Variants in C16orf96 observed in about 807,000 individuals in gnomAD.
The protein encoded by C16orf96 is uncharacterized protein C16orf96.
A neutral mutation model predicts 103.6 loss-of-function variants in C16orf96; 108 were observed. That is an observed-to-expected ratio of 1.04 (90% CI 0.89 to 1.22). The LOEUF (loss-of-function observed/expected upper bound fraction) is 1.22, where lower values mean the gene tolerates loss of function less well. Among genes scored for constraint, C16orf96 ranks in the 50% most tolerant of loss-of-function variants. The pLI, the probability that C16orf96 is intolerant of heterozygous loss-of-function variation, is 0.00. For synonymous variants in C16orf96, 566 were observed against 593.5 expected, an observed-to-expected ratio of 0.95 and a Z score of 0.67; for missense variants, 1,586 against 1,464.2, an observed-to-expected ratio of 1.08 and a Z score of -1.36.
intron 11 of C16orf96, 102 bp downstream of exon 11, chr16:4,592,469 G>A: frequency 7.6e-7 from 1 of 1,320,972 alleles, no homozygotes; most frequent in Non-Finnish European, 1.1e-6. Flanking sequence ...CACGCTGTGT[G>A]TCTACACATC....
chr16:4,583,491 G>T (rs551985728), intron 7 of C16orf96, among the ~76,000 whole-genome samples: 7 of 152,140 alleles, frequency 4.6e-5, no homozygotes, highest in African/African-American at 1.7e-4. Flanking sequence ...GGGTGACAGA[G>T]TGAGACTCTG....
At chr16:4,557,681 T>C (rs1403787849) in intron 1 of C16orf96, among the ~76,000 whole-genome samples, 2 of 152,136 alleles carry the variant, frequency 1.3e-5, no homozygotes, top group Non-Finnish European at 2.9e-5. Context: ...CACCCCAATT[T>C]TTTTTTGAGA....
rs1336091250 is a variant in C16orf96 at position 4,576,199 on chromosome 16, T to TGCC, written c.1725_1727dup (p.Ala577dup). 4 of 1,550,518 alleles carry TGCC rather than the reference T, an allele frequency of 2.6e-6. No homozygotes were observed. The highest frequency in any genetic ancestry group is 3.5e-6 in the Non-Finnish European group (4 of 1,146,972). On this transcript the variant is annotated inframe_insertion, in exon 5 of 16. Coordinates refer to ENST00000444310, the MANE Select transcript of C16orf96 (RefSeq NM_001145011.2). Reference sequence around the variant, plus strand: ...AAACCACCGCTGCCATCGCCGCCGCTGCCGCCGCAGCCTACGCCGCTGCCA... The same window carrying TGCC: ...AAACCACCGCTGCCATCGCCGCCGCTGCCGCCGCCGCAGCCTACGCCGCTGCCA...
the C16orf96 span, among the ~76,000 whole-genome samples, chr16:4,545,911 G>A: frequency 9.9e-5 from 15 of 151,934 alleles, no homozygotes; most frequent in South Asian, 4.2e-4. Context: ...GTGCAATGGC[G>A]CGATCTCAGC....
In C16orf96 at chr16:4,576,496, G is replaced by A. The variant is rs1326485414; in HGVS notation, c.2016G>A (p.Gln672=). 6.4e-7 allele frequency: 1 copy of A among 1,551,508 alleles called. No individual in the cohort carries two copies. Among genetic ancestry groups the A allele is most frequent in the South Asian group, 1.2e-5 (1 of 84,068 alleles). Residue 672 remains glutamine, a synonymous_variant, in exon 5 of 16, where the codon CAG becomes CAA. Coordinates refer to ENST00000444310, the MANE Select transcript of C16orf96 (RefSeq NM_001145011.2). The part of the protein sequence containing the change: ...ALSQAMVATK[Q]AMSPEDKKRA... ...CCCAGGCCATGGTGGCTACCAAGCA[G>A]GCCATGAGCCCTGAAGACAAGAAGA...
At chr16:4,555,466 C>T (rs568672032), upstream of C16orf96, among the ~76,000 whole-genome samples, 2 of 151,226 alleles carry the variant, frequency 1.3e-5, no homozygotes, top group African/African-American at 2.4e-5. Flanking sequence ...CTCCACCTCC[C>T]GGATTTAAGC....
intron 2 of C16orf96, 122 bp downstream of exon 2, chr16:4,571,787 C>A: frequency 1.3e-6 from 1 of 784,358 alleles, no homozygotes; most frequent in Non-Finnish European, 2.0e-6. Context: ...AGGGTGTGGT[C>A]ATGTGGACCC....
At chr16:4,549,714 C>G in the C16orf96 span, among the ~76,000 whole-genome samples, 1 of 152,064 alleles carries the variant, frequency 6.6e-6, no homozygotes, top group African/African-American at 2.4e-5. Context: ...AGGAGAATCG[C>G]TTGAATCTGG....
the C16orf96 span, among the ~76,000 whole-genome samples, chr16:4,542,163 G>A: frequency 6.6e-6 from 1 of 152,154 alleles, no homozygotes; most frequent in Non-Finnish European, 1.5e-5. Context: ...AGACTAGCCT[G>A]AGCAACATAG....
At chr16:4,551,687 C>T (rs959170297), upstream of C16orf96, among the ~76,000 whole-genome samples, 39 of 152,082 alleles carry the variant, frequency 2.6e-4, no homozygotes, top group Admixed American at 1.9e-3. Context: ...CTCCTGACCT[C>T]GTGATCTGCC....
chr16:4,599,351 C>G lies in C16orf96; in HGVS notation c.3195C>G (p.Gly1065=). Residue 1065 remains glycine (G), a synonymous_variant, in exon 15 of 16, where the codon GGC becomes GGG. Coordinates refer to ENST00000444310, the MANE Select transcript of C16orf96 (RefSeq NM_001145011.2). ...YDRVHSSALF[G]AICPPLCPRS... is the part of the protein sequence containing the mutation. The stretch of plus-strand genomic sequence containing the variant: ...GTGTGCACTCCAGTGCCCTATTTGG[C>G]GCCATCTGCCCCCGTGAGTACCTGG... 1 of 1,551,582 alleles carries G rather than the reference C, an allele frequency of 6.4e-7. No homozygotes were observed.
In C16orf96 at chr16:4,556,480, C is replaced by T. The variant is rs375260623; in HGVS notation, c.-10C>T. On this transcript the variant is annotated 5_prime_UTR_variant, in exon 1 of 16. Coordinates refer to ENST00000444310, the MANE Select transcript of C16orf96 (RefSeq NM_001145011.2). Reference sequence around the variant, plus strand: ...CTGGAACCCCAGCCCCACTGACCCACCCTGGCAGGATGAGCTTCTCACTCA... The same window carrying T: ...CTGGAACCCCAGCCCCACTGACCCATCCTGGCAGGATGAGCTTCTCACTCA... 52 of 1,516,568 alleles carry T rather than the reference C, an allele frequency of 3.4e-5. No individual in the cohort carries two copies. In the East Asian group the frequency reaches 3.7e-4, roughly 11 times the overall value. The allele number at this position is 1,516,568 out of a possible 1,614,324, so 93.9% of individuals were successfully genotyped here.
rs1231764809 is a variant in C16orf96, at chr16:4,593,680, T to G, written c.2867+364T>G. Among the ~76,000 whole-genome samples, 1 of 152,164 alleles carries G rather than the reference T, an allele frequency of 6.6e-6. No homozygotes were observed. The highest frequency in any genetic ancestry group is 1.5e-5 in the Non-Finnish European group (1 of 68,026). On this transcript the variant is annotated intron_variant, in intron 12 of 15. Transcript: ENST00000444310. The surrounding 1 kb of genome is among the most constrained non-coding windows in gnomAD (Gnocchi z 4.2). Reference sequence around the variant, plus strand: ...GGGAACCCTCAGGGAGCCGCTGCTGTGCCCGGCAGGCACTGTGCCAAGCGC... The same window carrying G: ...GGGAACCCTCAGGGAGCCGCTGCTGGGCCCGGCAGGCACTGTGCCAAGCGC...
intron 7 of C16orf96, among the ~76,000 whole-genome samples, chr16:4,584,869 C>T (rs841179): frequency 0.15 from 22,045 of 151,916 alleles, 1,802 homozygotes; most frequent in South Asian, 0.22. Flanking sequence ...TGGGGTTTCA[C>T]CATGTTGGCT....
rs138502531 is a variant in C16orf96, at chr16:4,577,393, G to A, written c.2155+758G>A. Among the ~76,000 whole-genome samples, 904 of 152,250 alleles carry A rather than the reference G, an allele frequency of 5.9e-3. 5 individuals carry two copies. The highest frequency in any genetic ancestry group is 0.021 in the African/African-American group (862 of 41,548). ...AAATTTTTAAACACTAGCTGTGTGCGGTGGCTCACGCCTATAATCCTAGCA... is the reference window on the plus strand; with the variant it reads ...AAATTTTTAAACACTAGCTGTGTGCAGTGGCTCACGCCTATAATCCTAGCA... On this transcript the variant is annotated intron_variant, in intron 5 of 15. Coordinates refer to ENST00000444310, the MANE Select transcript of C16orf96 (RefSeq NM_001145011.2).
At chr16:4,581,431 A>G (rs1291181314) in intron 7 of C16orf96, among the ~76,000 whole-genome samples, 1 of 151,456 alleles carries the variant, frequency 6.6e-6, no homozygotes, top group African/African-American at 2.4e-5. Context: ...CAGGAGATTG[A>G]GACCATCCTA....
intron 1 of C16orf96, among the ~76,000 whole-genome samples, chr16:4,559,167 C>T (rs1436701977): frequency 2.6e-5 from 4 of 152,052 alleles, no homozygotes; most frequent in African/African-American, 9.7e-5. Context: ...GAACTGTGCC[C>T]GTTGGTGTGT....
chr16:4,571,157 G>A (rs1236130073), intron 1 of C16orf96, among the ~76,000 whole-genome samples: 2 of 152,158 alleles, frequency 1.3e-5, no homozygotes, highest in African/African-American at 4.8e-5. Context: ...CTGCACTCCA[G>A]CCTGAGCCAC....
At chr16:4,545,482 G>A in the C16orf96 span, among the ~76,000 whole-genome samples, 1 of 152,092 alleles carries the variant, frequency 6.6e-6, no homozygotes, top group Non-Finnish European at 1.5e-5. Flanking sequence ...GTGAGCCGCT[G>A]CACCTAGCCA....
Sources: allele counts gnomAD v4.1 joint callset (sites outside exome capture counted in the v4.1 genomes callset), GRCh38; gene constraint gnomAD v4.1.1; non-coding constraint Gnocchi (gnomAD v3.1); transcripts MANE v1.5; gene names NCBI Gene and HGNC (gene_info 2026-07-23, HGNC 2026-07-21).